The following EPB41L1 variants were observed in gnomAD, a reference collection of about 807,000 sequenced individuals.
The protein encoded by EPB41L1 is band 4.1-like protein 1.
In EPB41L1, 29 loss-of-function variants were observed where a neutral mutation model predicts 97.8. The ratio of observed to expected loss-of-function variants is 0.30; its 90% CI spans 0.22 to 0.40. EPB41L1 has a LOEUF of 0.40. EPB41L1 is among the 10% of genes least tolerant of loss of function. The pLI is 1.00. For missense variants in EPB41L1, 812 were observed against 1,162.3 expected (o/e 0.70, Z 4.38); for synonymous variants, 383 against 459.2 (o/e 0.83, Z 2.12).
At chr20:36,217,151 G>A (rs1272499981) in intron 17 of EPB41L1, among the ~76,000 whole-genome samples, 19 of 152,202 alleles carry the variant, frequency 1.2e-4, no homozygotes, top group Admixed American at 1.0e-3. Context: ...TGTTGGAAGT[G>A]GAAGAAGCAG....
intron 1 of EPB41L1, among the ~76,000 whole-genome samples, chr20:36,106,353 T>C (rs2058191528): frequency 6.6e-6 from 1 of 152,220 alleles, no homozygotes; most frequent in Non-Finnish European, 1.5e-5. Flanking sequence ...TTATTACTTC[T>C]AGAAGGCTGA....
chr20:36,111,368 C>T (rs2058394787), intron 1 of EPB41L1, among the ~76,000 whole-genome samples: 1 of 152,192 alleles, frequency 6.6e-6, no homozygotes, highest in Non-Finnish European at 1.5e-5. Flanking sequence ...TGTAGCTTCT[C>T]CCTCCAAGTC....
At position 36,198,061 on chromosome 20, in the gene EPB41L1, C is replaced by T. The variant is rs1320766246; in HGVS notation, c.1668+20C>T. ...AATGAGGTAGGTGTCGCCCTGAACC[C>T]CTCGATAGGGGCCTTGGGTAAAGAG... On this transcript the variant is annotated intron_variant, in intron 14 of 21. Coordinates refer to ENST00000338074, the MANE Select transcript of EPB41L1 (RefSeq NM_012156.2). The T allele has an allele frequency of 8.7e-6, 14 of 1,610,392 alleles. No homozygotes were observed. The highest frequency in any genetic ancestry group is 6.7e-5 in the East Asian group (3 of 44,840).
At position 36,232,524 on chromosome 20, in the gene EPB41L1, A is replaced by G; in HGVS notation, c.*3184A>G. ...CTCTGGATCTTTTCCATCTGAGGGT[A>G]CAGGAAGTACCAGGACCTGTTTCAG... On this transcript the variant is annotated 3_prime_UTR_variant, in exon 22 of 22. Coordinates refer to ENST00000338074, the MANE Select transcript of EPB41L1 (RefSeq NM_012156.2). 1 of 398,630 alleles carries G rather than the reference A, an allele frequency of 2.5e-6. No individual in the cohort carries two copies. Among genetic ancestry groups the G allele is most frequent in the Admixed American group, 4.4e-5 (1 of 22,736 alleles). The allele number at this position is 398,630 out of a possible 1,614,324, so 24.7% of individuals were successfully genotyped here.
intron 1 of EPB41L1, among the ~76,000 whole-genome samples, chr20:36,164,195 G>A (rs2060644104): frequency 6.6e-6 from 1 of 152,160 alleles, no homozygotes; most frequent in Non-Finnish European, 1.5e-5. Context: ...GGAGGCAAGG[G>A]AGCTCAAGGG....
At chr20:36,116,078 C>T (rs994779771) in intron 2 of EPB41L1, among the ~76,000 whole-genome samples, 9 of 152,138 alleles carry the variant, frequency 5.9e-5, no homozygotes, top group African/African-American at 1.7e-4. Context: ...AGCTATGTCC[C>T]CTAGAGGGGA....
rs180963798 is a variant in EPB41L1 at position 36,178,169 on chromosome 20, G to A, written c.447+113G>A. The A allele has an allele frequency of 2.1e-3, 1,713 of 832,580 alleles. 19 individuals are homozygous for A. Among genetic ancestry groups the A allele is most frequent in the East Asian group, 6.1e-3 (234 of 38,264 alleles). 51.6% of individuals were successfully genotyped at this position (832,580 alleles called of 1,614,324 possible). On this transcript the variant is annotated intron_variant, in intron 4 of 21. Transcript: ENST00000338074. ...AAATCATTAAGCATCTTCTGTTTGC[G>A]TGTCCCCAAGGCTCAACCAGCCCTA...
chr20:36,115,951 C>T (rs1306479177), intron 2 of EPB41L1, among the ~76,000 whole-genome samples: 1 of 152,034 alleles, frequency 6.6e-6, no homozygotes, highest in Non-Finnish European at 1.5e-5. Flanking sequence ...TGTTATTGTC[C>T]CCATTTTCCA....
intron 14 of EPB41L1, 36 bp downstream of exon 14, chr20:36,198,077 G>T: frequency 6.3e-7 from 1 of 1,590,862 alleles, no homozygotes; most frequent in Non-Finnish European, 8.6e-7. Context: ...TAGGGGCCTT[G>T]GGTAAAGAGA....
At chr20:36,169,578 C>T (rs6060840) in intron 1 of EPB41L1, among the ~76,000 whole-genome samples, 15,637 of 152,212 alleles carry the variant, frequency 0.1, 1,332 homozygotes, top group African/African-American at 0.23. Flanking sequence ...CTCACCTTTA[C>T]AGGCTTCTCA....
intron 1 of EPB41L1, among the ~76,000 whole-genome samples, chr20:36,098,544 C>A (rs1455803096): frequency 6.6e-6 from 1 of 152,190 alleles, no homozygotes; most frequent in Non-Finnish European, 1.5e-5. Flanking sequence ...TCTGTCGTCA[C>A]GTGGCTTTCT....
At chr20:36,110,667 G>C (rs2058373665) in intron 1 of EPB41L1, 1 of 125,690 alleles carries the variant, frequency 8.0e-6, no homozygotes, top group African/African-American at 3.2e-5. Flanking sequence ...ACACACCATT[G>C]GCCTCAATTT....
chr20:36,177,634 TCC>T (rs2061303665), intron 3 of EPB41L1, among the ~76,000 whole-genome samples: 1 of 152,182 alleles, frequency 6.6e-6, no homozygotes, highest in African/African-American at 2.4e-5. Context: ...AGCCTCCTTC[TCC>T]TAATCACTAA....
At chr20:36,184,360 C>T (rs922459765) in intron 6 of EPB41L1, among the ~76,000 whole-genome samples, 1 of 151,784 alleles carries the variant, frequency 6.6e-6, no homozygotes, top group African/African-American at 2.4e-5. Flanking sequence ...ACCAAAAAAG[C>T]AATAAAAATG....
At chr20:36,214,523 C>A in intron 17 of EPB41L1, 83 bp downstream of exon 17, 2 of 1,179,574 alleles carry the variant, frequency 1.7e-6, no homozygotes, top group Non-Finnish European at 2.5e-6. Context: ...CATCGCCTGG[C>A]TGCTTCAGGA....
At chr20:36,135,505 G>A (rs1015323015) in intron 2 of EPB41L1, among the ~76,000 whole-genome samples, 3 of 152,122 alleles carry the variant, frequency 2.0e-5, no homozygotes, top group South Asian at 2.1e-4. Context: ...CTGGATTTCC[G>A]TTTCTCTCTC....
intron 14 of EPB41L1, chr20:36,201,024 A>C (rs1406920405): frequency 2.2e-6 from 1 of 455,638 alleles, no homozygotes; most frequent in Non-Finnish European, 4.4e-6. Context: ...CCCACCCAGA[A>C]CCACCCTCTG....
chr20:36,103,187 TATCCA>T (rs1244115627), intron 1 of EPB41L1, among the ~76,000 whole-genome samples: 1 of 152,230 alleles, frequency 6.6e-6, no homozygotes, highest in African/African-American at 2.4e-5. Context: ...GTCTTAGCTT[TATCCA>T]GGGAGGTGGC....
At position 36,120,119 on chromosome 20, in the gene EPB41L1, A is replaced by G. The variant is rs1034478247; in HGVS notation, c.-10+7639A>G. 8.5e-5 allele frequency among the ~76,000 whole-genome samples: 13 copies of G among 152,358 alleles called. 2 individuals carry two copies. The highest frequency in any genetic ancestry group is 6.5e-5 in the Admixed American group (1 of 15,302). ...ACATTAGCACTAAGCGCTAATAACC[A>G]TTAAAACAGATGACCATTTACCAAG... On this transcript the variant is annotated intron_variant, in intron 2 of 19. Coordinates refer to the EPB41L1 transcript ENST00000202028.
Sources: gnomAD v4.1 joint callset for allele counts (sites outside exome capture counted in the v4.1 genomes callset) on GRCh38, gnomAD v4.1.1 for gene constraint, MANE v1.5 for transcripts, NCBI Gene and HGNC (gene_info 2026-07-23, HGNC 2026-07-21) for gene names.